CFAP299: variants seen among roughly 807,000 people sequenced by gnomAD.
CFAP299 encodes the protein cilia and flagella associated protein 299.
A neutral mutation model predicts 27.0 loss-of-function variants in CFAP299; 21 were observed. The observed-to-expected ratio is 0.78, with a 90% CI of 0.55 to 1.12. The LOEUF is 1.12. Among genes scored for constraint, CFAP299 ranks in the 50% most tolerant of loss-of-function variants. The probability of loss-of-function intolerance (pLI) is 0.00; values close to 1 mark genes in which losing one functional copy is unlikely to be tolerated. For missense variants in CFAP299, 310 were observed against 276.6 expected, an observed-to-expected ratio of 1.12 and a Z score of -0.86; for synonymous variants, 104 against 98.1, an observed-to-expected ratio of 1.06 and a Z score of -0.36.
At chr4:80,937,571 T>G (rs1363434682) in intron 4 of CFAP299, among the ~76,000 whole-genome samples, 1 of 152,054 alleles carries the variant, frequency 6.6e-6, no homozygotes, top group Non-Finnish European at 1.5e-5. Flanking sequence ...TCTGCCCACC[T>G]TGGCCTCAGG....
chr4:80,862,361 C>A (rs1480124500), intron 3 of CFAP299, among the ~76,000 whole-genome samples: 2 of 151,968 alleles, frequency 1.3e-5, no homozygotes, highest in African/African-American at 2.4e-5. Context: ...CAGAGCCAGA[C>A]TCCATCTCGA....
At chr4:80,927,913 A>G (rs938077804) in intron 4 of CFAP299, among the ~76,000 whole-genome samples, 4 of 152,154 alleles carry the variant, frequency 2.6e-5, no homozygotes, top group Non-Finnish European at 5.9e-5. Flanking sequence ...TGTGAATGCA[A>G]TGACAGAAGG....
intron 2 of CFAP299, among the ~76,000 whole-genome samples, chr4:80,569,849 G>T (rs1276734408): frequency 6.6e-6 from 1 of 151,938 alleles, no homozygotes; most frequent in African/African-American, 2.4e-5. Flanking sequence ...TTAGCTTCAT[G>T]ATTGGAAGCT....
chr4:80,902,595 A>G (rs1045104966), intron 4 of CFAP299, among the ~76,000 whole-genome samples: 4 of 146,302 alleles, frequency 2.7e-5, no homozygotes, highest in Admixed American at 6.9e-5. Context: ...ATACACACAC[A>G]CACACACACA....
At chr4:80,731,538 G>A (rs1723522416) in intron 3 of CFAP299, among the ~76,000 whole-genome samples, 1 of 152,160 alleles carries the variant, frequency 6.6e-6, no homozygotes, top group Non-Finnish European at 1.5e-5. Context: ...TTCTTAACAT[G>A]TTTTTGTTTT....
At chr4:80,519,265 G>A (rs1732780200) in intron 2 of CFAP299, among the ~76,000 whole-genome samples, 1 of 152,064 alleles carries the variant, frequency 6.6e-6, no homozygotes, top group Non-Finnish European at 1.5e-5. Context: ...GGAGTGCAGT[G>A]GCACGATCTT....
chr4:80,512,701 G>C (rs928735347), intron 2 of CFAP299, among the ~76,000 whole-genome samples: 3 of 151,864 alleles, frequency 2.0e-5, no homozygotes, highest in Non-Finnish European at 4.4e-5. Context: ...TTAGAGCTGT[G>C]GTGCAAAAAG....
chr4:80,388,930 C>A (rs185834982), intron 2 of CFAP299, among the ~76,000 whole-genome samples: 1 of 151,894 alleles, frequency 6.6e-6, no homozygotes, highest in East Asian at 1.9e-4. Flanking sequence ...TTCCTTGTGT[C>A]GTTTTTTATT....
intron 2 of CFAP299, among the ~76,000 whole-genome samples, chr4:80,436,077 T>C (rs1728056428): frequency 6.6e-6 from 1 of 152,162 alleles, no homozygotes; most frequent in Non-Finnish European, 1.5e-5. Flanking sequence ...ACTGCATAGA[T>C]ACTTGGGTTG....
At chr4:80,699,713 G>A (rs747430721) in intron 3 of CFAP299, among the ~76,000 whole-genome samples, 2 of 152,078 alleles carry the variant, frequency 1.3e-5, no homozygotes, top group African/African-American at 2.4e-5. Context: ...TTCTGCTCAA[G>A]AGACCTTGCT....
In CFAP299 at chr4:80,583,084, C is replaced by A; in HGVS notation, c.243-9C>A. 2 of 1,583,544 alleles carry A rather than the reference C, an allele frequency of 1.3e-6. No homozygotes were observed. Reference sequence around the variant, plus strand: ...TAATATATTATAACTGAAGATCTGCCTTTTACAGGACGCTAACAAGTGCTG... The same window carrying A: ...TAATATATTATAACTGAAGATCTGCATTTTACAGGACGCTAACAAGTGCTG... On this transcript the variant is annotated splice_polypyrimidine_tract_variant and intron_variant, in intron 2 of 5. Coordinates refer to ENST00000358105, the MANE Select transcript of CFAP299 (RefSeq NM_152770.3).
At chr4:80,474,285 ATAAAG>A (rs1401027572) in intron 2 of CFAP299, among the ~76,000 whole-genome samples, 1 of 152,228 alleles carries the variant, frequency 6.6e-6, no homozygotes, top group African/African-American at 2.4e-5. Flanking sequence ...AAAAATGGAA[ATAAAG>A]TAATTTATAA....
intron 4 of CFAP299, among the ~76,000 whole-genome samples, chr4:80,922,736 A>G (rs971936796): frequency 6.6e-6 from 1 of 151,700 alleles, no homozygotes; most frequent in Non-Finnish European, 1.5e-5. Context: ...TATGTTGACT[A>G]TGAAGAATAT....
chr4:80,388,058 C>G (rs1725116038), intron 2 of CFAP299: 1 of 689,832 alleles, frequency 1.4e-6, no homozygotes. Context: ...CTCCACCATT[C>G]CACTCCCAGC....
At chr4:80,806,101 A>T (rs1341048194) in intron 3 of CFAP299, among the ~76,000 whole-genome samples, 1 of 152,152 alleles carries the variant, frequency 6.6e-6, no homozygotes, top group Admixed American at 6.5e-5. Context: ...ACTTTTTTCT[A>T]TGTATTCTTA....
intron 2 of CFAP299, among the ~76,000 whole-genome samples, chr4:80,382,398 A>G (rs865844471): frequency 1.1e-4 from 17 of 152,364 alleles, no homozygotes; most frequent in African/African-American, 4.1e-4. Context: ...CAGAGTAAGC[A>G]GACAACCTAC....
chr4:80,769,551 T>G (rs1056174171), intron 3 of CFAP299, among the ~76,000 whole-genome samples: 1 of 152,116 alleles, frequency 6.6e-6, no homozygotes, highest in African/African-American at 2.4e-5. Flanking sequence ...TAAGCCACCA[T>G]GTGCAGCTAA....
At chr4:80,369,497 C>T (rs1471326046) in intron 2 of CFAP299, among the ~76,000 whole-genome samples, 2 of 152,192 alleles carry the variant, frequency 1.3e-5, no homozygotes, top group African/African-American at 2.4e-5. Flanking sequence ...TCTACTCAGG[C>T]CCATGTTGAT....
intron 2 of CFAP299, among the ~76,000 whole-genome samples, chr4:80,526,453 G>A (rs1733178679): frequency 1.3e-5 from 2 of 152,064 alleles, no homozygotes. Flanking sequence ...CTAGAGACTA[G>A]AGACAGAGTT....
Sources: gnomAD v4.1 joint callset for allele counts (sites outside exome capture counted in the v4.1 genomes callset) on GRCh38, gnomAD v4.1.1 for gene constraint, MANE v1.5 for transcripts, NCBI Gene and HGNC (gene_info 2026-07-23, HGNC 2026-07-21) for gene names.